RNF213: variants seen among roughly 807,000 people sequenced by gnomAD.
RNF213 encodes the protein E3 ubiquitin-protein ligase RNF213.
RNF213 carries 341 observed loss-of-function variants against 514.4 expected under a neutral mutation model. That is an observed-to-expected ratio of 0.66 (90% CI 0.61 to 0.73). The LOEUF is 0.73. Among genes scored for constraint, RNF213 ranks in the 30% least tolerant of loss-of-function variants. The probability of loss-of-function intolerance (pLI) is 0.00; values close to 1 mark genes in which losing one functional copy is unlikely to be tolerated. For synonymous variants in RNF213, 2,655 were observed against 2,658.2 expected, an observed-to-expected ratio of 1.00 and a Z score of 0.04; for missense variants, 5,767 against 6,615.6, an observed-to-expected ratio of 0.87 and a Z score of 4.45.
intron 63 of RNF213, 80 bp downstream of exon 63, chr17:80,386,971 G>C (rs1208799956): frequency 2.2e-6 from 3 of 1,372,832 alleles, no homozygotes; most frequent in Non-Finnish European, 3.0e-6. Context: ...TCTCGAGAGA[G>C]GGAAGCAGCA....
At position 80,363,269 on chromosome 17, in the gene RNF213, C is replaced by G; in HGVS notation, c.11523C>G (p.Ser3841Arg). The G allele has an allele frequency of 6.2e-7, 1 of 1,614,066 alleles. No homozygotes were observed. Among genetic ancestry groups the G allele is most frequent in the Non-Finnish European group, 8.5e-7 (1 of 1,180,040 alleles). ...CCATCTACCCTCAGGTTCTCCACAG[C>G]CTGATGGAAGCCCGTTGGAACCATG... ...ILTIYPQVLHSLMEARWNHEL... is the reference protein window; with the variant it reads ...ILTIYPQVLHRLMEARWNHEL... Residue 3841 changes from serine to arginine, a missense_variant, in exon 40 of 68, where the codon AGC (serine) becomes AGG (arginine). By Grantham distance (110) the Ser-to-Arg change is moderately radical. This residue lies in a region of RNF213 where 355 missense variants were observed against 358.0 expected (regional missense o/e 0.99). Coordinates refer to ENST00000582970, the MANE Select transcript of RNF213 (RefSeq NM_001256071.3).
chr17:80,297,024 A>G (rs2044976800), intron 10 of RNF213, among the ~76,000 whole-genome samples: 1 of 152,064 alleles, frequency 6.6e-6, no homozygotes, highest in Non-Finnish European at 1.5e-5. Flanking sequence ...GCACATTTTG[A>G]CAAAGAGGAG....
Position 80,306,283 on chromosome 17 carries a change from C to T in RNF213, c.2242C>T (p.Gln748Ter). ...CCTACTTCAGTTTATGAGAGAGAAG[C>T]AGCATTTGCTGAGCATAGACGAGCC... ...SSLLQFMREKQHLLSIDEPLF... is the reference protein window; with the variant it reads ...SSLLQFMREK The change falls in exon 12 of 68, where the codon CAG becomes TAG. Residue 748 changes from glutamine to a stop codon, truncating the protein, a stop_gained. Coordinates refer to ENST00000582970, the MANE Select transcript of RNF213 (RefSeq NM_001256071.3). LOFTEE classifies it high-confidence loss of function. 4.3e-6 allele frequency: 7 copies of T among 1,614,150 alleles called. No individual in the cohort carries two copies. The highest frequency in any genetic ancestry group is 5.9e-6 in the Non-Finnish European group (7 of 1,180,028).
In RNF213 at chr17:80,395,994, T is replaced by A. The variant is rs373703631; in HGVS notation, c.*2496T>A. 5 of 152,424 alleles carry A rather than the reference T, an allele frequency of 3.3e-5. No individual in the cohort carries two copies. In the South Asian group the frequency reaches 1.0e-3, roughly 32 times the overall value. The allele number at this position is 152,424 out of a possible 1,614,324, so 9.4% of individuals were successfully genotyped here. A position where few individuals can be genotyped will look rare whatever the true frequency, so the allele number is the denominator to read the frequency against. On this transcript the variant is annotated 3_prime_UTR_variant, in exon 68 of 68. Coordinates refer to ENST00000582970, the MANE Select transcript of RNF213 (RefSeq NM_001256071.3). ...CTTTATTCATCCTCACTCCCACTCA[T>A]ACCCGCCTCCCTGGACAGTTCCCTG... is the stretch of plus-strand genomic sequence containing the variant.
chr17:80,345,250 C>A lies in RNF213; in HGVS notation c.6915C>A (p.Tyr2305Ter). The A allele has an allele frequency of 1.9e-6, 3 of 1,614,148 alleles. No individual in the cohort carries two copies. The highest frequency in any genetic ancestry group is 2.5e-6 in the Non-Finnish European group (3 of 1,180,016). Reference sequence around the variant, plus strand: ...GGTGGGAGTCGGAGCCTCACCCATACGTTTTCTTCAATGACGACCACACAA... The same window carrying A: ...GGTGGGAGTCGGAGCCTCACCCATAAGTTTTCTTCAATGACGACCACACAA... ...RKRWESEPHP[Y>*]VFFNDDHTTM... Residue 2305 changes from tyrosine to a stop codon, truncating the protein, a stop_gained, in exon 29 of 68, where the codon TAC becomes TAA. Coordinates refer to ENST00000582970, the MANE Select transcript of RNF213 (RefSeq NM_001256071.3). LOFTEE classifies it high-confidence loss of function. This position sits in a 1 kb window ranked among gnomAD's most constrained non-coding sequence, Gnocchi z 6.0.
intron 55 of RNF213, among the ~76,000 whole-genome samples, 198 bp from the exon 56 acceptor site, chr17:80,380,633 G>A (rs760177242): frequency 2.0e-5 from 3 of 152,118 alleles, no homozygotes; most frequent in Non-Finnish European, 2.9e-5. Flanking sequence ...CTGAGAATGC[G>A]GTCGGGTCTG....
At chr17:80,296,537 C>T (rs947983540) in intron 10 of RNF213, among the ~76,000 whole-genome samples, 23 of 152,268 alleles carry the variant, frequency 1.5e-4, no homozygotes, top group Non-Finnish European at 2.1e-4. Flanking sequence ...GGTGAGAAGG[C>T]GATGGCCTTT....
chr17:80,385,567 A>ATC lies in RNF213; in HGVS notation c.14486_14487dup (p.Thr4830SerfsTer11). 6.2e-7 allele frequency: 1 copy of ATC among 1,614,184 alleles called. No individual in the cohort carries two copies. Among genetic ancestry groups the ATC allele is most frequent in the East Asian group, 2.2e-5 (1 of 44,888 alleles). On this transcript the variant is annotated frameshift_variant, in exon 61 of 68. Transcript: ENST00000582970. LOFTEE classifies it high-confidence loss of function. ...GTTGAGGCAGCTGCTTCACAACAGG[A>ATC]TCACAGTCTTTCTGTCCACATGGAA...
At chr17:80,316,315 T>G (rs1259224391) in intron 15 of RNF213, 2 of 152,190 alleles carry the variant, frequency 1.3e-5, no homozygotes, top group African/African-American at 4.8e-5. Flanking sequence ...CTGCCAAAAA[T>G]ATTTTAATCT....
chr17:80,289,657 A>G lies in RNF213; in HGVS notation c.934-2A>G. 1 of 1,613,876 alleles carries G rather than the reference A, an allele frequency of 6.2e-7. No homozygotes were observed. Among genetic ancestry groups the G allele is most frequent in the Non-Finnish European group, 8.5e-7 (1 of 1,179,958 alleles). ...AGGTCAGGGTTTGGTTCCTTGTTCC[A>G]GGAAGCTGAGACCAAGACCAAGGAC... On this transcript the variant is annotated splice_acceptor_variant, in intron 5 of 67. Coordinates refer to ENST00000582970, the MANE Select transcript of RNF213 (RefSeq NM_001256071.3). LOFTEE classifies it high-confidence loss of function.
rs562986075 is a variant in RNF213 at position 80,264,467 on chromosome 17, T to G, written c.97+689T>G. Among the ~76,000 whole-genome samples the G allele has an allele frequency of 2.6e-5, 4 of 151,996 alleles. No individual in the cohort carries two copies. Among genetic ancestry groups the G allele is most frequent in the Non-Finnish European group, 4.4e-5 (3 of 67,956 alleles). On this transcript the variant is annotated intron_variant, in intron 2 of 67. Coordinates refer to ENST00000582970, the MANE Select transcript of RNF213 (RefSeq NM_001256071.3). This position sits in a 1 kb window ranked among gnomAD's most constrained non-coding sequence, Gnocchi z 5.0. ...TTGGCTTCTGGGGCCTCAGACTGGT[T>G]CCCCTCCTCCCGGGTTTTAAACACC... is the stretch of plus-strand genomic sequence containing the variant.
In RNF213 at chr17:80,351,716, C is replaced by T. The variant is rs570998073; in HGVS notation, c.10216C>T (p.Arg3406Ter). The T allele has an allele frequency of 8.7e-6, 14 of 1,606,910 alleles. No homozygotes were observed. The highest frequency in any genetic ancestry group is 2.2e-5 in the East Asian group (1 of 44,816). The change falls in exon 32 of 68, where the codon CGA becomes TGA. Residue 3406 changes from arginine (R) to a stop codon, truncating the protein, a stop_gained. Coordinates refer to ENST00000582970, the MANE Select transcript of RNF213 (RefSeq NM_001256071.3). LOFTEE classifies it high-confidence loss of function. ...TGTTATAAATGAAATCAACAAAATA[C>T]GAGAAAATGAGGACCGTATCTTCGT... ...YSVINEINKI[R>*]ENEDRIFVYF...
At chr17:80,389,509 C>T (rs1252716851) in intron 65 of RNF213, 142 bp downstream of exon 65, 14 of 776,204 alleles carry the variant, frequency 1.8e-5, no homozygotes, top group Admixed American at 1.2e-4. Flanking sequence ...CTCACCCAGT[C>T]AGTCCAGCAT....
rs150849968 is a variant in RNF213 at position 80,346,375 on chromosome 17, C to T, written c.8040C>T (p.Pro2680=). The change falls in exon 29 of 68, where the codon CCC becomes CCT. Residue 2680 remains proline (P), a synonymous_variant. Coordinates refer to ENST00000582970, the MANE Select transcript of RNF213 (RefSeq NM_001256071.3). This position sits in a 1 kb window ranked among gnomAD's most constrained non-coding sequence, Gnocchi z 8.1. ...SVSKNHTERD[P]VLWSLMLAIG... ...GCAAAAATCACACCGAGAGAGATCC[C>T]GTCCTCTGGTCGTTGATGCTGGCCA... 3.3e-4 allele frequency: 526 copies of T among 1,613,472 alleles called. 5 individuals are homozygous for T. In the African/African-American group the frequency reaches 5.4e-3, roughly 17 times the overall value.
chr17:80,308,943 T>A, intron 13 of RNF213, 75 bp from the exon 14 acceptor site: 1 of 1,555,394 alleles, frequency 6.4e-7, no homozygotes, highest in Non-Finnish European at 8.9e-7. Context: ...AGGAAGGAGC[T>A]AGTCATCAAT....
At chr17:80,331,963 G>T (rs1478239112) in intron 20 of RNF213, 43 bp from the exon 21 acceptor site, 2 of 1,516,016 alleles carry the variant, frequency 1.3e-6, no homozygotes. Context: ...ATGGAATCAT[G>T]ATTAGAGCTT....
Position 80,361,859 on chromosome 17 carries a change from A to T in RNF213, c.11326A>T (p.Met3776Leu). The stretch of plus-strand genomic sequence containing the variant: ...CTTGAAGGATTTCATTCTCTTGACC[A>T]TGCGTGTGTCAACGGAGGAGGAATT... ...CYLKDFILLT[M>L]RVSTEEELKF... is the part of the protein sequence containing the mutation. Residue 3776 changes from methionine to leucine, a missense_variant, in exon 39 of 68, where the codon ATG becomes TTG. This residue lies in a region of RNF213 where 355 missense variants were observed against 358.0 expected (regional missense o/e 0.99). Transcript: ENST00000582970. 1 of 1,613,644 alleles carries T rather than the reference A, an allele frequency of 6.2e-7. No individual in the cohort carries two copies. Among genetic ancestry groups the T allele is most frequent in the South Asian group, 1.1e-5 (1 of 91,048 alleles).
Position 80,373,164 on chromosome 17 carries a change from A to C in RNF213, c.12941A>C (p.Gln4314Pro). 1 of 1,609,266 alleles carries C rather than the reference A, an allele frequency of 6.2e-7. No homozygotes were observed. ...WVFPKDVVKQ[Q>P]GLRQDHPGQM... ...TTTCCCAAGGACGTTGTCAAGCAGC[A>C]GGTGAGAAGCGGGGCCGGGCAGCAC... The change falls in exon 49 of 68, where the codon CAG becomes CCG. Residue 4314 changes from glutamine (Q) to proline (P), a missense_variant and splice_region_variant. By Grantham distance (76) the Gln-to-Pro change is moderately conservative. This residue lies in a region of RNF213 where 1,245 missense variants were observed against 1,339.0 expected (regional missense o/e 0.93). Transcript: ENST00000582970.
At chr17:80,313,808 A>C in intron 15 of RNF213, among the ~76,000 whole-genome samples, 1 of 16,046 alleles carries the variant, frequency 6.2e-5, no homozygotes. Context: ...TGGTGGAGGT[A>C]ATGGAGGTGA....
Sources: gnomAD v4.1 joint callset for allele counts (sites outside exome capture counted in the v4.1 genomes callset) on GRCh38, gnomAD v4.1.1 for gene constraint, gnomAD v4.1.1 regional missense constraint, Gnocchi (gnomAD v3.1) non-coding constraint, MANE v1.5 for transcripts, NCBI Gene and HGNC (gene_info 2026-07-23, HGNC 2026-07-21) for gene names.